TOR1AIP1: variants seen among roughly 807,000 people sequenced by gnomAD.
TOR1AIP1 encodes the protein torsin-1A-interacting protein 1.
TOR1AIP1 carries 54 observed loss-of-function variants against 63.3 expected under a neutral mutation model. The observed-to-expected ratio is 0.85, with a 90% CI of 0.69 to 1.07. The LOEUF (loss-of-function observed/expected upper bound fraction) is 1.07, where lower values mean the gene tolerates loss of function less well. Ranked by LOEUF, TOR1AIP1 falls within the 50% of genes least tolerant of loss-of-function variation. The pLI is 0.00. For missense variants in TOR1AIP1, 736 were observed against 715.0 expected, an observed-to-expected ratio of 1.03 and a Z score of -0.33; for synonymous variants, 294 against 273.5, an observed-to-expected ratio of 1.07 and a Z score of -0.74.
At chr1:179,907,593 TTATATATA>T (rs55752745) in intron 6 of TOR1AIP1, among the ~76,000 whole-genome samples, 12 of 63,268 alleles carry the variant, frequency 1.9e-4, no homozygotes, top group Admixed American at 4.0e-4. Flanking sequence ...CACACACACT[TTATATATA>T]TATATATATA....
chr1:179,907,975 C>T, intron 7 of TOR1AIP1, 111 bp downstream of exon 7: 2 of 646,200 alleles, frequency 3.1e-6, no homozygotes, highest in Non-Finnish European at 4.5e-6. Context: ...GGAGTGCAAT[C>T]TGGGCTCATT....
intron 3 of TOR1AIP1, among the ~76,000 whole-genome samples, chr1:179,889,703 G>A (rs1403342704): frequency 6.6e-6 from 1 of 151,164 alleles, no homozygotes; most frequent in Admixed American, 6.6e-5. Context: ...CATCCAGGCT[G>A]GAGTGCAGTG....
intron 3 of TOR1AIP1, among the ~76,000 whole-genome samples, chr1:179,891,576 A>G (rs1648083634): frequency 8.3e-6 from 1 of 120,248 alleles, no homozygotes; most frequent in South Asian, 2.8e-4. Flanking sequence ...ATTTATTTTT[A>G]TTTTCTCGAG....
chr1:179,891,552 ATTTTT>A (rs1648081744), intron 3 of TOR1AIP1, among the ~76,000 whole-genome samples: 1 of 33,272 alleles, frequency 3.0e-5, no homozygotes, highest in Non-Finnish European at 9.8e-5. Flanking sequence ...TTTATTTTTT[ATTTTT>A]ATTTATTTAT....
chr1:179,903,862 C>T, intron 5 of TOR1AIP1, 104 bp from the exon 6 acceptor site: 2 of 754,904 alleles, frequency 2.6e-6, no homozygotes. Flanking sequence ...CTGGGAGTTA[C>T]CCGAATATTT....
intron 1 of TOR1AIP1, among the ~76,000 whole-genome samples, chr1:179,883,231 A>G (rs1647798372): frequency 6.6e-6 from 1 of 152,180 alleles, no homozygotes; most frequent in Non-Finnish European, 1.5e-5. Context: ...GCTCTGCCCA[A>G]CATCGGGCAT....
At chr1:179,902,172 C>T (rs868585610) in intron 5 of TOR1AIP1, among the ~76,000 whole-genome samples, 17 of 149,614 alleles carry the variant, frequency 1.1e-4, no homozygotes, top group Middle Eastern at 6.9e-3. Flanking sequence ...ATTACAGGTG[C>T]GCACCACCAC....
intron 3 of TOR1AIP1, among the ~76,000 whole-genome samples, chr1:179,895,579 G>T (rs1558041276): frequency 6.6e-6 from 1 of 152,210 alleles, no homozygotes; most frequent in South Asian, 2.1e-4. Context: ...CTGCACTCCA[G>T]CCTAGGCGAC....
chr1:179,900,011 G>C, intron 3 of TOR1AIP1, 115 bp from the exon 4 acceptor site: 1 of 708,930 alleles, frequency 1.4e-6, no homozygotes, highest in Non-Finnish European at 2.4e-6. Context: ...TCCTAAACGA[G>C]ATGCTCTTTT....
intron 3 of TOR1AIP1, among the ~76,000 whole-genome samples, chr1:179,890,074 A>G (rs1269565610): frequency 6.6e-6 from 1 of 152,112 alleles, no homozygotes; most frequent in Admixed American, 6.5e-5. Flanking sequence ...ATTCTTTATG[A>G]TGATTTTAAA....
intron 3 of TOR1AIP1, among the ~76,000 whole-genome samples, chr1:179,897,087 T>A (rs1186953520): frequency 6.6e-6 from 1 of 152,238 alleles, no homozygotes; most frequent in Non-Finnish European, 1.5e-5. Flanking sequence ...ATTGCATAAC[T>A]AGTTATTCTT....
At chr1:179,897,275 C>T (rs1313442694) in intron 3 of TOR1AIP1, among the ~76,000 whole-genome samples, 1 of 152,034 alleles carries the variant, frequency 6.6e-6, no homozygotes, top group Non-Finnish European at 1.5e-5. Context: ...AAATGGGGAG[C>T]TCCCTTATGT....
intron 2 of TOR1AIP1, among the ~76,000 whole-genome samples, chr1:179,885,018 G>C (rs1647873023): frequency 1.3e-5 from 2 of 152,116 alleles, no homozygotes; most frequent in African/African-American, 4.8e-5. Flanking sequence ...TTCAAACCCA[G>C]GTTTGTCTTC....
intron 3 of TOR1AIP1, among the ~76,000 whole-genome samples, chr1:179,893,234 T>C (rs1469927467): frequency 6.6e-6 from 1 of 151,422 alleles, no homozygotes; most frequent in Admixed American, 6.6e-5. Context: ...CAGAGCGAGA[T>C]TTGGTCTCCA....
intron 1 of TOR1AIP1, chr1:179,883,754 T>C (rs1647820721): frequency 3.1e-5 from 14 of 453,964 alleles, no homozygotes; most frequent in Admixed American, 2.8e-4. Flanking sequence ...AAAGGGATGC[T>C]GACAAAGTGA....
chr1:179,894,556 C>T (rs796937647), intron 3 of TOR1AIP1, among the ~76,000 whole-genome samples: 3 of 152,160 alleles, frequency 2.0e-5, no homozygotes, highest in African/African-American at 7.2e-5. Context: ...ATTGTGGTGG[C>T]AGGCACCTGT....
At chr1:179,912,002 CTT>C (rs1558046486) in intron 8 of TOR1AIP1, among the ~76,000 whole-genome samples, 7 of 127,986 alleles carry the variant, frequency 5.5e-5, no homozygotes, top group Admixed American at 8.2e-5. Flanking sequence ...TTTCTTTTTT[CTT>C]TTTTTTCTTT....
chr1:179,892,654 C>T (rs1485233454), intron 3 of TOR1AIP1, among the ~76,000 whole-genome samples: 3 of 149,226 alleles, frequency 2.0e-5, no homozygotes, highest in East Asian at 4.0e-4. Context: ...AGGAGAATGG[C>T]GTGAAGTTGG....
intron 2 of TOR1AIP1, among the ~76,000 whole-genome samples, chr1:179,887,057 A>G (rs1190296143): frequency 6.6e-6 from 1 of 152,188 alleles, no homozygotes; most frequent in African/African-American, 2.4e-5. Context: ...AATTGTATAT[A>G]AGGCTACCGG....
Sources: allele counts gnomAD v4.1 joint callset (sites outside exome capture counted in the v4.1 genomes callset), GRCh38; gene constraint gnomAD v4.1.1; transcripts MANE v1.5; gene names NCBI Gene and HGNC (gene_info 2026-07-23, HGNC 2026-07-21).